Variants in KIF26B observed in about 807,000 individuals in gnomAD.
KIF26B encodes kinesin-like protein KIF26B.
A neutral mutation model predicts 151.2 loss-of-function variants in KIF26B; 63 were observed. The ratio of observed to expected loss-of-function variants is 0.42; its 90% confidence interval spans 0.34 to 0.51. The LOEUF (loss-of-function observed/expected upper bound fraction) is 0.51, where lower values mean the gene tolerates loss of function less well. Among genes scored for constraint, KIF26B ranks in the 20% least tolerant of loss-of-function variants. The pLI is 0.07. For synonymous variants in KIF26B, 1,357 were observed against 1,262.1 expected, an observed-to-expected ratio of 1.08 and a Z score of -1.59; for missense variants, 2,813 against 2,913.6, an observed-to-expected ratio of 0.97 and a Z score of 0.79.
intron 2 of KIF26B, among the ~76,000 whole-genome samples, chr1:245,336,591 G>A (rs1012268621): frequency 6.6e-6 from 1 of 152,150 alleles, no homozygotes; most frequent in African/African-American, 2.4e-5. Context: ...AGGCTCGTGC[G>A]GCGGCTCGTG....
chr1:245,181,006 CTG>C (rs1317198556), intron 2 of KIF26B, among the ~76,000 whole-genome samples: 16 of 152,160 alleles, frequency 1.1e-4, no homozygotes, highest in Admixed American at 1.0e-3. Flanking sequence ...CTGTCCCAGT[CTG>C]TGACAGACCC....
At chr1:245,551,982 C>T (rs766741833) in intron 5 of KIF26B, among the ~76,000 whole-genome samples, 1 of 152,136 alleles carries the variant, frequency 6.6e-6, no homozygotes, top group East Asian at 1.9e-4. Context: ...AATGTAAGCT[C>T]CATGAGGGCA....
rs1328996897 is a variant in KIF26B, at chr1:245,374,599, C to G, written c.999+7232C>G. ...ACTGGGGTCACCTGCTTCCCACTTG[C>G]TGCTGTGTCTACCCAGTCAGGCAAT... is the stretch of plus-strand genomic sequence containing the variant. On this transcript the variant is annotated intron_variant, in intron 3 of 14. Transcript: ENST00000407071. 2.0e-5 allele frequency among the ~76,000 whole-genome samples: 3 copies of G among 152,102 alleles called. No individual in the cohort carries two copies. The East Asian group carries it at 5.8e-4, about 29-fold the overall frequency.
intron 2 of KIF26B, among the ~76,000 whole-genome samples, chr1:245,305,852 G>T (rs1671526603): frequency 6.9e-6 from 1 of 144,594 alleles, no homozygotes; most frequent in African/African-American, 2.6e-5. Flanking sequence ...GCAGAAGAAT[G>T]GCTTGAACCC....
At chr1:245,699,430 A>G (rs896989474) in intron 14 of KIF26B, among the ~76,000 whole-genome samples, 4 of 151,928 alleles carry the variant, frequency 2.6e-5, no homozygotes, top group Non-Finnish European at 4.4e-5. Flanking sequence ...TTAAAAAGGT[A>G]GAGTGTACAG....
intron 10 of KIF26B, among the ~76,000 whole-genome samples, chr1:245,665,628 C>T (rs572256967): frequency 2.0e-4 from 31 of 152,184 alleles, no homozygotes; most frequent in Non-Finnish European, 4.4e-4. Flanking sequence ...TGTGTTTGAG[C>T]TCAGTTATGA....
chr1:245,658,135 A>C (rs1181079028), intron 10 of KIF26B, among the ~76,000 whole-genome samples: 1 of 151,952 alleles, frequency 6.6e-6, no homozygotes, highest in Non-Finnish European at 1.5e-5. Context: ...ATGAAATCAT[A>C]CTCTATTCTA....
chr1:245,596,816 C>T (rs1396924560), intron 5 of KIF26B, among the ~76,000 whole-genome samples: 1 of 152,092 alleles, frequency 6.6e-6, no homozygotes, highest in Non-Finnish European at 1.5e-5. Flanking sequence ...TCTGGGTGCT[C>T]CTGTATTGGG....
rs1001143279 is a variant in KIF26B at position 245,220,448 on chromosome 1, C to T, written c.465+63765C>T. ...GGGTCCAGGGTCCAGGGTCCGGGGT[C>T]CAGGGTCTTCACAGCCTGTGCTCCC... On this transcript the variant is annotated intron_variant, in intron 2 of 14. Transcript: ENST00000407071. 2.6e-5 allele frequency among the ~76,000 whole-genome samples: 4 copies of T among 152,142 alleles called. No individual in the cohort carries two copies. In the South Asian group the frequency reaches 8.3e-4, roughly 32 times the overall value.
chr1:245,687,514 G>A lies in KIF26B; in HGVS notation c.4531G>A (p.Asp1511Asn). 1.3e-6 allele frequency: 2 copies of A among 1,575,808 alleles called. No individual in the cohort carries two copies. Among genetic ancestry groups the A allele is most frequent in the Non-Finnish European group, 1.7e-6 (2 of 1,161,120 alleles). ...CACTGACAACTTCAGGAGGGTCGTG[G>A]ATGGGTGTGAGATGGCCCTGCCCGG... ...PVTDNFRRVV[D>N]GCEMALPGLA... The change falls in exon 12 of 15, where the codon GAT becomes AAT. Residue 1511 changes from aspartate to asparagine, a missense_variant. Coordinates refer to ENST00000407071, the MANE Select transcript of KIF26B (RefSeq NM_018012.4). This position sits in a 1 kb window ranked among gnomAD's most constrained non-coding sequence, Gnocchi z 4.9.
chr1:245,658,612 G>C (rs1157022974), intron 10 of KIF26B, among the ~76,000 whole-genome samples: 1 of 152,100 alleles, frequency 6.6e-6, no homozygotes, highest in African/African-American at 2.4e-5. Context: ...GGCTGGCTTT[G>C]AAATCCTGAG....
Position 245,527,620 on chromosome 1 carries a change from A to G in KIF26B, c.1167-13147A>G, listed in dbSNP as rs369086608. Among the ~76,000 whole-genome samples, 406 of 129,152 alleles carry G rather than the reference A, an allele frequency of 3.1e-3. 7 individuals are homozygous for G. Among genetic ancestry groups the G allele is most frequent in the African/African-American group, 0.012 (364 of 31,454 alleles). The allele number at this position is 129,152 out of a possible 152,430, so 84.7% of individuals were successfully genotyped here. ...GTGATCTCGGCTCACTGCAAGCTCCACCTCCCGGGTTCATGCCATTCTCCT... is the reference window on the plus strand; with the variant it reads ...GTGATCTCGGCTCACTGCAAGCTCCGCCTCCCGGGTTCATGCCATTCTCCT... On this transcript the variant is annotated intron_variant, in intron 4 of 14. Coordinates refer to ENST00000407071, the MANE Select transcript of KIF26B (RefSeq NM_018012.4).
intron 4 of KIF26B, among the ~76,000 whole-genome samples, chr1:245,419,980 T>C (rs762624310): frequency 6.6e-6 from 1 of 152,168 alleles, no homozygotes; most frequent in Non-Finnish European, 1.5e-5. Context: ...TACCCCTCGA[T>C]GTGTGCCCGC....
intron 4 of KIF26B, among the ~76,000 whole-genome samples, chr1:245,462,972 G>A (rs1243687289): frequency 6.6e-6 from 1 of 152,162 alleles, no homozygotes; most frequent in Non-Finnish European, 1.5e-5. Flanking sequence ...GGCTTCCTAC[G>A]AGATGCACAC....
At chr1:245,414,351 A>C (rs892831741) in intron 3 of KIF26B, among the ~76,000 whole-genome samples, 2 of 152,058 alleles carry the variant, frequency 1.3e-5, no homozygotes, top group African/African-American at 4.8e-5. Flanking sequence ...TGGGAGGTCA[A>C]CTCCTCAAGT....
chr1:245,287,073 C>A (rs771564976), intron 2 of KIF26B, among the ~76,000 whole-genome samples: 1 of 152,126 alleles, frequency 6.6e-6, no homozygotes, highest in Non-Finnish European at 1.5e-5. Flanking sequence ...CTTGCCACTG[C>A]ACTCCAGCCT....
chr1:245,550,564 T>C (rs1335717782), intron 5 of KIF26B, among the ~76,000 whole-genome samples: 2 of 152,150 alleles, frequency 1.3e-5, no homozygotes, highest in African/African-American at 2.4e-5. Flanking sequence ...ACCGGCGCAG[T>C]GGTTAGGCTG....
At chr1:245,295,326 G>A (rs1255870066) in intron 2 of KIF26B, among the ~76,000 whole-genome samples, 6 of 152,138 alleles carry the variant, frequency 3.9e-5, no homozygotes, top group South Asian at 2.1e-4. Flanking sequence ...AAATGGAACC[G>A]GTTGACTGCT....
intron 4 of KIF26B, among the ~76,000 whole-genome samples, chr1:245,523,848 T>C (rs1204316230): frequency 6.6e-6 from 1 of 152,184 alleles, no homozygotes; most frequent in Non-Finnish European, 1.5e-5. Context: ...CAAGGATTGA[T>C]TAATCCAATG....
Sources: allele counts gnomAD v4.1 joint callset (sites outside exome capture counted in the v4.1 genomes callset), GRCh38; gene constraint gnomAD v4.1.1; non-coding constraint Gnocchi (gnomAD v3.1); transcripts MANE v1.5; gene names NCBI Gene and HGNC (gene_info 2026-07-23, HGNC 2026-07-21).